Variants in PTPRR observed in about 807,000 individuals in gnomAD.
PTPRR encodes receptor-type tyrosine-protein phosphatase R.
In PTPRR, 38 loss-of-function variants were observed where a neutral mutation model predicts 77.2. The ratio of observed to expected loss-of-function variants is 0.49; its 90% CI spans 0.38 to 0.65. PTPRR has a LOEUF of 0.65. PTPRR is among the 30% of genes least tolerant of loss of function. The pLI, the probability that PTPRR is intolerant of heterozygous loss-of-function variation, is 0.00. For synonymous variants in PTPRR, 299 were observed against 283.1 expected (o/e 1.06, Z -0.57); for missense variants, 744 against 799.2 (o/e 0.93, Z 0.83).
At chr12:70,851,029 A>T (rs949366535) in intron 2 of PTPRR, among the ~76,000 whole-genome samples, 1 of 152,102 alleles carries the variant, frequency 6.6e-6, no homozygotes, top group African/African-American at 2.4e-5. Context: ...CATTATATTT[A>T]GGTATTGTTC....
chr12:70,800,268 C>CT lies in PTPRR; in HGVS notation c.358-35491dup, dbSNP rs1028252059. Among the ~76,000 whole-genome samples the CT allele has an allele frequency of 1.9e-4, 28 of 148,332 alleles. 1 individual carries two copies. The highest frequency in any genetic ancestry group is 5.4e-4 in the Admixed American group (8 of 14,930). On this transcript the variant is annotated intron_variant, in intron 2 of 13. Coordinates refer to ENST00000283228, the MANE Select transcript of PTPRR (RefSeq NM_002849.4). The stretch of plus-strand genomic sequence containing the variant: ...GCATTTTAGACATACTGTTCTCTCT[C>CT]TTTTTTTTTTTTTGTGCTGAGGTTA...
rs1253227588 is a variant in PTPRR, at chr12:70,684,734, C to G, written c.1329G>C (p.Leu443Phe). 6.2e-7 allele frequency: 1 copy of G among 1,606,990 alleles called. No homozygotes were observed. Among genetic ancestry groups the G allele is most frequent in the East Asian group, 2.2e-5 (1 of 44,782 alleles). The change falls in exon 9 of 14, where the codon TTG becomes TTC. Residue 443 changes from leucine (L) to phenylalanine (F), a missense_variant. Leu to Phe is a conservative substitution (Grantham distance 22). Around this residue, in one of 3 missense-constraint regions of PTPRR, gnomAD observed 570 missense variants for 573.2 expected, o/e 0.99. Transcript: ENST00000283228. Reference protein sequence around the residue: ...CLRPKNVTDSLSTYINANYIR... With the variant: ...CLRPKNVTDSFSTYINANYIR... ...TATAATTAGCATTAATGTAGGTGCT[C>G]AATGAATCGGTTACATTTTTTGGTC...
intron 1 of PTPRR, among the ~76,000 whole-genome samples, chr12:70,897,024 A>G (rs1448697337): frequency 6.6e-6 from 1 of 151,852 alleles, no homozygotes; most frequent in Non-Finnish European, 1.5e-5. Flanking sequence ...GCCTTGTAGT[A>G]TAGTTTGAAG....
chr12:70,811,784 G>A (rs1891812254), intron 2 of PTPRR, among the ~76,000 whole-genome samples: 1 of 152,196 alleles, frequency 6.6e-6, no homozygotes, highest in South Asian at 2.1e-4. Flanking sequence ...AGGGCAGAGA[G>A]GTCAGTGACT....
chr12:70,851,984 T>C (rs1333470947), intron 2 of PTPRR, among the ~76,000 whole-genome samples: 1 of 152,184 alleles, frequency 6.6e-6, no homozygotes, highest in Non-Finnish European at 1.5e-5. Flanking sequence ...AGTACCATGG[T>C]TCTGGGAAAA....
At chr12:70,698,836 C>T (rs1350105192) in intron 7 of PTPRR, among the ~76,000 whole-genome samples, 1 of 152,014 alleles carries the variant, frequency 6.6e-6, no homozygotes, top group East Asian at 1.9e-4. Context: ...TTTGTTAATT[C>T]AAGTGATGAC....
intron 2 of PTPRR, among the ~76,000 whole-genome samples, chr12:70,874,990 G>A (rs1251020174): frequency 6.7e-6 from 1 of 150,114 alleles, no homozygotes; most frequent in Non-Finnish European, 1.5e-5. Context: ...AAAAGCACTA[G>A]CACGTAGCAG....
At chr12:70,867,225 A>G (rs1194917105) in intron 2 of PTPRR, among the ~76,000 whole-genome samples, 1 of 152,098 alleles carries the variant, frequency 6.6e-6, no homozygotes, top group African/African-American at 2.4e-5. Context: ...AAGGGTATTC[A>G]ATCAGGAAAA....
Position 70,684,705 on chromosome 12 carries a change from C to T in PTPRR, c.1358G>A (p.Arg453Lys). The T allele has an allele frequency of 6.3e-7, 1 of 1,577,432 alleles. No homozygotes were observed. Among genetic ancestry groups the T allele is most frequent in the Non-Finnish European group, 8.7e-7 (1 of 1,153,290 alleles). ...LSTYINANYI[R>K]GYSGKEKAFI... The stretch of plus-strand genomic sequence containing the variant: ...AGAAATTTGTACTTATTTACTTACC[C>T]TAATATAATTAGCATTAATGTAGGT... The change falls in exon 9 of 14, where the codon AGG becomes AAG. Residue 453 changes from arginine (R) to lysine (K), a missense_variant and splice_region_variant. Physicochemically the swap from Arg to Lys is conservative, Grantham distance 26 (BLOSUM62 2). Transcript: ENST00000283228.
In PTPRR at chr12:70,639,929, T is replaced by C. The variant is rs997440471; in HGVS notation, c.1881-652A>G. 2.6e-5 allele frequency among the ~76,000 whole-genome samples: 4 copies of C among 152,270 alleles called. No individual in the cohort carries two copies. The East Asian group carries it at 7.7e-4, about 29-fold the overall frequency. On this transcript the variant is annotated intron_variant, in intron 13 of 13. Transcript: ENST00000283228. ...GTTGTACAGAAGCAACCTTAGCCTT[T>C]TGGTGTACGGGGTGTCTAAACACAA...
chr12:70,857,323 A>C (rs1387814993), intron 2 of PTPRR, among the ~76,000 whole-genome samples: 5 of 152,160 alleles, frequency 3.3e-5, no homozygotes, highest in Admixed American at 6.6e-5. Context: ...ACAGTGTCAA[A>C]ATCTCCAGCT....
At chr12:70,829,095 C>G (rs377449862) in intron 2 of PTPRR, among the ~76,000 whole-genome samples, 84 of 152,158 alleles carry the variant, frequency 5.5e-4, no homozygotes, top group African/African-American at 2.0e-3. Context: ...CATGAAACAT[C>G]AGTTCCCCTC....
At position 70,761,577 on chromosome 12, in the gene PTPRR, G is replaced by A. The variant is rs1254534945; in HGVS notation, c.521C>T (p.Thr174Ile). Residue 174 changes from threonine (T) to isoleucine (I), a missense_variant, in exon 4 of 14, where the codon ACA (threonine) becomes ATA (isoleucine). Thr to Ile is a moderately conservative substitution (Grantham distance 89). Transcript: ENST00000283228. ...AGAGGGCAGAGCATCAGAAATTCCT[G>A]TTTTTCGGTTTATGGGAGACACAAA... ...ELFVSPINRK[T>I]GISDALPSEE... 9 of 1,611,440 alleles carry A rather than the reference G, an allele frequency of 5.6e-6. No individual in the cohort carries two copies. Among genetic ancestry groups the A allele is most frequent in the Non-Finnish European group, 7.6e-6 (9 of 1,178,546 alleles).
At chr12:70,745,682 T>C in intron 6 of PTPRR, 136 bp downstream of exon 6, 1 of 1,016,058 alleles carries the variant, frequency 9.8e-7, no homozygotes, top group East Asian at 2.5e-5. Context: ...CAAGAAACAC[T>C]ACTTCATCTG....
chr12:70,835,081 C>T (rs1192456405), intron 2 of PTPRR, among the ~76,000 whole-genome samples: 1 of 152,050 alleles, frequency 6.6e-6, no homozygotes, highest in Non-Finnish European at 1.5e-5. Context: ...CCCATAAAAA[C>T]TTGTGAGATA....
chr12:70,764,502 G>A (rs912526710), intron 3 of PTPRR, among the ~76,000 whole-genome samples, 163 bp downstream of exon 3: 1 of 152,122 alleles, frequency 6.6e-6, no homozygotes, highest in Non-Finnish European at 1.5e-5. Context: ...ATGGGCAATG[G>A]GTAGATGAGC....
chr12:70,884,344 G>A (rs906897436), intron 2 of PTPRR, among the ~76,000 whole-genome samples: 2 of 152,062 alleles, frequency 1.3e-5, no homozygotes, highest in Non-Finnish European at 2.9e-5. Flanking sequence ...TAGTAAGCAT[G>A]ATTTACAGGC....
intron 6 of PTPRR, among the ~76,000 whole-genome samples, chr12:70,732,384 C>A (rs1431947442): frequency 7.9e-5 from 12 of 152,142 alleles, no homozygotes. Flanking sequence ...ACAGCAGGGA[C>A]CGTGAGGGTT....
intron 2 of PTPRR, among the ~76,000 whole-genome samples, chr12:70,810,544 C>G (rs1432915756): frequency 1.3e-5 from 2 of 152,086 alleles, no homozygotes; most frequent in Non-Finnish European, 2.9e-5. Flanking sequence ...TTTAAAAGAT[C>G]ACTTTCTTGA....
Sources: gnomAD v4.1 joint callset for allele counts (sites outside exome capture counted in the v4.1 genomes callset) on GRCh38, gnomAD v4.1.1 for gene constraint, gnomAD v4.1.1 regional missense constraint, MANE v1.5 for transcripts, NCBI Gene and HGNC (gene_info 2026-07-23, HGNC 2026-07-21) for gene names.